PTPRD: variants seen among roughly 807,000 people sequenced by gnomAD.
PTPRD encodes receptor-type tyrosine-protein phosphatase delta.
PTPRD carries 34 observed loss-of-function variants against 214.5 expected under a neutral mutation model. The ratio of observed to expected loss-of-function variants is 0.16; its 90% CI spans 0.12 to 0.21. PTPRD has a LOEUF of 0.21. Among genes scored for constraint, PTPRD ranks in the 10% least tolerant of loss-of-function variants. The probability of loss-of-function intolerance (pLI) is 1.00; values close to 1 mark genes in which losing one functional copy is unlikely to be tolerated. For missense variants in PTPRD, 2,545 were observed against 2,398.7 expected (o/e 1.06, Z -1.27); for synonymous variants, 1,128 against 845.7 (o/e 1.33, Z -5.79).
chr9:9,343,485 CTTTTTT>C (rs2047632025), intron 9 of PTPRD, among the ~76,000 whole-genome samples: 1 of 152,106 alleles, frequency 6.6e-6, no homozygotes, highest in Non-Finnish European at 1.5e-5. Context: ...TGATGATGAG[CTTTTTT>C]TCATATGTTT....
At chr9:9,315,189 T>C (rs146428535) in intron 9 of PTPRD, among the ~76,000 whole-genome samples, 65 of 152,160 alleles carry the variant, frequency 4.3e-4, no homozygotes, top group African/African-American at 1.4e-3. Context: ...AGAAGCTGAA[T>C]TTCACCAAGC....
intron 9 of PTPRD, among the ~76,000 whole-genome samples, chr9:9,212,955 T>G (rs184245366): frequency 6.6e-6 from 1 of 152,304 alleles, no homozygotes; most frequent in Non-Finnish European, 1.5e-5. Context: ...TAGCCTAGAG[T>G]TCTCTAAGAT....
At chr9:10,022,637 G>A (rs2096845867) in intron 4 of PTPRD, among the ~76,000 whole-genome samples, 1 of 152,106 alleles carries the variant, frequency 6.6e-6, no homozygotes. Context: ...TACACAGTGA[G>A]TATTTCATTC....
At chr9:10,324,635 A>G (rs888603371) in intron 3 of PTPRD, among the ~76,000 whole-genome samples, 2 of 151,974 alleles carry the variant, frequency 1.3e-5, no homozygotes, top group African/African-American at 4.8e-5. Flanking sequence ...AGATCCCTAT[A>G]TTTCACCAAA....
intron 11 of PTPRD, among the ~76,000 whole-genome samples, chr9:8,983,675 A>T (rs1054186864): frequency 6.6e-6 from 1 of 150,582 alleles, no homozygotes; most frequent in Non-Finnish European, 1.5e-5. Flanking sequence ...TGCCTGGCTA[A>T]TTTTTTTTTC....
chr9:8,811,340 T>G (rs1048705816), intron 11 of PTPRD, among the ~76,000 whole-genome samples: 13 of 152,044 alleles, frequency 8.6e-5, no homozygotes, highest in African/African-American at 3.1e-4. Flanking sequence ...GTCAAGTCCA[T>G]TGACCCCCCT....
intron 8 of PTPRD, among the ~76,000 whole-genome samples, chr9:9,459,062 C>G (rs1403902889): frequency 2.6e-5 from 4 of 152,098 alleles, no homozygotes; most frequent in East Asian, 3.9e-4. Flanking sequence ...CGTGAAGAAG[C>G]TGGGGTGTGG....
rs140105507 is a variant in PTPRD, at chr9:9,212,394, T to A, written c.-202-29031A>T. ...AGTTCTTTTAAGCTAGCTTTTAGTG[T>A]CTTCCAGCTACTCTCTACACATTCC... On this transcript the variant is annotated intron_variant, in intron 9 of 45. Transcript: ENST00000381196. Among the ~76,000 whole-genome samples, 362 of 152,308 alleles carry A rather than the reference T, an allele frequency of 2.4e-3. 1 individual carries two copies. The highest frequency in any genetic ancestry group is 8.5e-3 in the African/African-American group (352 of 41,566).
intron 2 of PTPRD, among the ~76,000 whole-genome samples, chr9:10,562,718 T>A (rs191750450): frequency 1.3e-5 from 2 of 152,276 alleles, no homozygotes; most frequent in African/African-American, 4.8e-5. Flanking sequence ...TCAAATTTTC[T>A]ACATGCATAG....
intron 8 of PTPRD, among the ~76,000 whole-genome samples, chr9:9,518,009 A>G (rs1300409332): frequency 1.3e-5 from 2 of 152,088 alleles, no homozygotes; most frequent in South Asian, 2.1e-4. Context: ...CAATGCATTA[A>G]TAACTATATT....
intron 12 of PTPRD, among the ~76,000 whole-genome samples, chr9:8,670,940 G>A (rs373511803): frequency 2.0e-4 from 31 of 152,170 alleles, no homozygotes; most frequent in Non-Finnish European, 4.1e-4. Context: ...GAAGTAGGTG[G>A]TGAAGAATTA....
intron 2 of PTPRD, among the ~76,000 whole-genome samples, chr9:10,366,396 G>C (rs1414344215): frequency 6.6e-6 from 1 of 152,152 alleles, no homozygotes; most frequent in Non-Finnish European, 1.5e-5. Context: ...GCTCTGGTTT[G>C]ACATTTGCAC....
chr9:8,537,409 CA>C (rs1053030102), intron 14 of PTPRD, among the ~76,000 whole-genome samples: 2 of 151,776 alleles, frequency 1.3e-5, no homozygotes, highest in Admixed American at 1.3e-4. Flanking sequence ...GATCTGTTCC[CA>C]AAAAAGTAAT....
intron 10 of PTPRD, among the ~76,000 whole-genome samples, chr9:9,121,043 A>G (rs1377728246): frequency 4.6e-5 from 7 of 152,200 alleles, no homozygotes; most frequent in Non-Finnish European, 1.0e-4. Flanking sequence ...GGAAAAGAAA[A>G]CGTACAGAGG....
chr9:8,371,434 G>A (rs7867463), intron 39 of PTPRD, among the ~76,000 whole-genome samples: 15,162 of 151,994 alleles, frequency 0.1, 1,309 homozygotes, highest in African/African-American at 0.23. Flanking sequence ...CTCAAGGTAC[G>A]TATGATCTGC....
chr9:10,012,038 T>C (rs2154107096), intron 4 of PTPRD, among the ~76,000 whole-genome samples: 1 of 152,090 alleles, frequency 6.6e-6, no homozygotes, highest in East Asian at 1.9e-4. Context: ...AATATTGATA[T>C]TGACAGGAAA....
intron 11 of PTPRD, among the ~76,000 whole-genome samples, chr9:8,916,616 T>C (rs1336406718): frequency 6.6e-6 from 1 of 152,186 alleles, no homozygotes; most frequent in Non-Finnish European, 1.5e-5. Context: ...AGTGATATAG[T>C]TGTAAAATTA....
At chr9:9,964,766 A>G (rs963402919) in intron 4 of PTPRD, among the ~76,000 whole-genome samples, 1 of 152,206 alleles carries the variant, frequency 6.6e-6, no homozygotes, top group Non-Finnish European at 1.5e-5. Context: ...TTAGTGTTCA[A>G]AAGTGAAAAC....
intron 12 of PTPRD, among the ~76,000 whole-genome samples, chr9:8,669,524 T>A (rs2097237216): frequency 6.6e-6 from 1 of 152,000 alleles, no homozygotes; most frequent in Non-Finnish European, 1.5e-5. Context: ...GTATTTTCCA[T>A]TCTCCCATAT....
Sources: allele counts gnomAD v4.1 joint callset (sites outside exome capture counted in the v4.1 genomes callset), GRCh38; gene constraint gnomAD v4.1.1; transcripts MANE v1.5; gene names NCBI Gene and HGNC (gene_info 2026-07-23, HGNC 2026-07-21).